ELAC2: variants seen among roughly 807,000 people sequenced by gnomAD.
ELAC2 encodes elaC ribonuclease Z 2, also known as zinc phosphodiesterase ELAC protein 2.
Under a neutral mutation model 105.2 loss-of-function variants are expected in ELAC2, and 92 were observed. The observed-to-expected ratio is 0.87, with a 90% CI of 0.74 to 1.04. The LOEUF is 1.04. Ranked by LOEUF, ELAC2 falls within the 50% of genes least tolerant of loss-of-function variation. The probability of loss-of-function intolerance (pLI) is 0.00; values close to 1 mark genes in which losing one functional copy is unlikely to be tolerated. For synonymous variants in ELAC2, 468 were observed against 409.1 expected (o/e 1.14, Z -1.74); for missense variants, 1,099 against 1,071.7 (o/e 1.03, Z -0.36).
chr17:13,009,170 T>G (rs1418434645), intron 8 of ELAC2, among the ~76,000 whole-genome samples: 1 of 152,218 alleles, frequency 6.6e-6, no homozygotes, highest in African/African-American at 2.4e-5. Context: ...TACTTAACTT[T>G]TATGAAAATC....
chr17:12,992,882 C>T lies in ELAC2; in HGVS notation c.2417G>A (p.Gly806Glu), dbSNP rs748902752. 1.9e-6 allele frequency: 3 copies of T among 1,613,044 alleles called. No individual in the cohort carries two copies. The highest frequency in any genetic ancestry group is 2.2e-5 in the South Asian group (2 of 91,070). The stretch of plus-strand genomic sequence containing the variant: ...GTGGGCCCGCTTCTGCTGAGGCTCC[C>T]CATCCTCCAGGCCGCCTGCCAGCTC... Reference protein sequence around the residue: ...SRELAGGLEDGEPQQKRAHTE... With the variant: ...SRELAGGLEDEEPQQKRAHTE... The change falls in exon 24 of 24, where the codon GGG (glycine) becomes GAG (glutamate). Residue 806 changes from glycine (G) to glutamate (E), a missense_variant. Physicochemically the swap from Gly to Glu is moderately conservative, Grantham distance 98 (BLOSUM62 -2). Coordinates refer to ENST00000338034, the MANE Select transcript of ELAC2 (RefSeq NM_018127.7).
At chr17:12,998,983 A>G (rs2040616397) in intron 15 of ELAC2, among the ~76,000 whole-genome samples, 1 of 152,114 alleles carries the variant, frequency 6.6e-6, no homozygotes, top group South Asian at 2.1e-4. Flanking sequence ...ACCCAGTCTC[A>G]CATATTCTTT....
At chr17:12,993,953 A>G in intron 22 of ELAC2, 122 bp from the exon 23 acceptor site, 2 of 1,402,256 alleles carry the variant, frequency 1.4e-6, no homozygotes, top group Admixed American at 3.8e-5. Context: ...GGTTTTCTTA[A>G]CGGGCACCTC....
rs1371142437 is a variant in ELAC2, at chr17:12,994,905, G to T, written c.1909-21C>A. 6 of 1,613,986 alleles carry T rather than the reference G, an allele frequency of 3.7e-6. No individual in the cohort carries two copies. In the African/African-American group the frequency reaches 5.3e-5, roughly 14 times the overall value. ...TGAAACTGAAAGGGTGGGGCTGGAG[G>T]GCTCTGCAGCTCTGCTCCCCACCTC... On this transcript the variant is annotated intron_variant, in intron 20 of 23. Transcript: ENST00000338034.
rs781475188 is a variant in ELAC2 at position 12,993,771 on chromosome 17, G to A, written c.2169C>T (p.Asn723=). Residue 723 remains asparagine, a synonymous_variant, in exon 23 of 24, where the codon AAC becomes AAT. Transcript: ENST00000338034. The stretch of plus-strand genomic sequence containing the variant: ...CCTTGGCATAGCGCTGGCTGAAGTG[G>A]TTCAGCATAATGAACTCCGCGTTCA... The part of the protein sequence containing the change: ...MRMNAEFIML[N]HFSQRYAKVP... The A allele has an allele frequency of 5.0e-6, 8 of 1,614,168 alleles. No homozygotes were observed. In the Admixed American group the frequency reaches 1.3e-4, roughly 27 times the overall value.
chr17:13,009,863 C>T (rs1008160904), intron 8 of ELAC2, among the ~76,000 whole-genome samples: 1 of 151,986 alleles, frequency 6.6e-6, no homozygotes, highest in Admixed American at 6.6e-5. Context: ...GTGGCGCGCA[C>T]CTATAATCCT....
chr17:13,002,372 A>G lies in ELAC2; in HGVS notation c.1219-13T>C. On this transcript the variant is annotated splice_polypyrimidine_tract_variant and intron_variant, in intron 13 of 23. Transcript: ENST00000338034. ...TGGGGCCCTCCTTCTGAAAGAGACA[A>G]AACACATTCATGGAGAGAAAGAGAG... is the stretch of plus-strand genomic sequence containing the variant. 1 of 1,614,160 alleles carries G rather than the reference A, an allele frequency of 6.2e-7. No homozygotes were observed.
chr17:13,013,687 C>T (rs1436533166), intron 5 of ELAC2, among the ~76,000 whole-genome samples: 1 of 152,168 alleles, frequency 6.6e-6, no homozygotes, highest in Non-Finnish European at 1.5e-5. Context: ...GCCACAGATA[C>T]ACACCAGTGC....
chr17:13,016,766 A>ATT, intron 3 of ELAC2, 96 bp downstream of exon 3: 1 of 1,202,488 alleles, frequency 8.3e-7, no homozygotes, highest in African/African-American at 1.6e-5. Flanking sequence ...AAAAAAAAAA[A>ATT]AGTAGCTGCC....
At position 12,991,880 on chromosome 17, in the gene ELAC2, A is replaced by ACTT. The variant is rs1413988185; in HGVS notation, c.*935_*937dup. Reference sequence around the variant, plus strand: ...ACTTACTTACTTACTTTACTTACTTACTTCCTTGGAAAATGCTCTCCATTT... The same window carrying ACTT: ...ACTTACTTACTTACTTTACTTACTTACTTCTTCCTTGGAAAATGCTCTCCATTT... On this transcript the variant is annotated 3_prime_UTR_variant, in exon 24 of 24. Coordinates refer to ENST00000338034, the MANE Select transcript of ELAC2 (RefSeq NM_018127.7). 1.3e-5 allele frequency among the ~76,000 whole-genome samples: 2 copies of ACTT among 151,662 alleles called. No homozygotes were observed. The highest frequency in any genetic ancestry group is 3.4e-3 in the Middle Eastern group (1 of 294).
intron 15 of ELAC2, among the ~76,000 whole-genome samples, chr17:12,999,681 C>T (rs1434521714): frequency 1.4e-5 from 2 of 147,656 alleles, no homozygotes; most frequent in African/African-American, 2.5e-5. Context: ...TTTTTTGAGA[C>T]GGAGTCTCAC....
At chr17:12,993,859 A>G (rs745416597) in intron 22 of ELAC2, 28 bp from the exon 23 acceptor site, 1 of 1,614,030 alleles carries the variant, frequency 6.2e-7, no homozygotes, top group South Asian at 1.1e-5. Context: ...AGCAGACTGA[A>G]GCTGAACTCA....
chr17:13,014,462 C>A lies in ELAC2; in HGVS notation c.467G>T (p.Gly156Val), dbSNP rs369492242. 2 of 1,613,654 alleles carry A rather than the reference C, an allele frequency of 1.2e-6. No individual in the cohort carries two copies. Among genetic ancestry groups the A allele is most frequent in the Non-Finnish European group, 1.7e-6 (2 of 1,179,688 alleles). ...ACCCAGTTCTATTCCTTTCAATGGA[C>A]CAGAAAATATTTTGATTGCTTCGAG... ...KYLEAIKIFS[G>V]PLKGIELAVR... The change falls in exon 5 of 24, where the codon GGT becomes GTT. Residue 156 changes from glycine to valine, a missense_variant. Gly to Val is a moderately radical substitution (Grantham distance 109). Transcript: ENST00000338034.
chr17:13,013,985 T>C lies in ELAC2; in HGVS notation c.490+454A>G, dbSNP rs12601556. ...CGACCTGGCCCCTATTTTTACAGCA[T>C]GAGGTGGGAACACAGAAAATGTCAC... is the stretch of plus-strand genomic sequence containing the variant. On this transcript the variant is annotated intron_variant, in intron 5 of 23. Transcript: ENST00000338034. Among the ~76,000 whole-genome samples, 1,381 of 152,206 alleles carry C rather than the reference T, an allele frequency of 9.1e-3. 53 individuals are homozygous for C. In the East Asian group the frequency reaches 0.12, roughly 13 times the overall value.
intron 10 of ELAC2, 127 bp downstream of exon 10, chr17:13,005,626 C>T: frequency 1.1e-6 from 1 of 931,886 alleles, no homozygotes; most frequent in Non-Finnish European, 1.8e-6. Context: ...TATCACTTAG[C>T]TGAGTGATGT....
rs138269137 is a variant in ELAC2 at position 13,000,237 on chromosome 17, C to T, written c.1342G>A (p.Val448Ile). The part of the protein sequence containing the change: ...IITCNPEEFI[V>I]EALQLPNFQQ... The stretch of plus-strand genomic sequence containing the variant: ...AAGTTGGGAAGCTGCAGCGCCTCAA[C>T]TATGAATTCCTCAGGATTGCAAGTA... Residue 448 changes from valine (V) to isoleucine (I), a missense_variant, in exon 15 of 24, where the codon GTT becomes ATT. Physicochemically the swap from Val to Ile is conservative, Grantham distance 29. Transcript: ENST00000338034. 1 of 1,614,006 alleles carries T rather than the reference C, an allele frequency of 6.2e-7. No individual in the cohort carries two copies. Among genetic ancestry groups the T allele is most frequent in the African/African-American group, 1.3e-5 (1 of 74,928 alleles).
Position 13,005,768 on chromosome 17 carries a change from A to C in ELAC2, c.855T>G (p.Thr285=). The C allele has an allele frequency of 1.2e-6, 2 of 1,614,124 alleles. No homozygotes were observed. Among genetic ancestry groups the C allele is most frequent in the Non-Finnish European group, 1.7e-6 (2 of 1,180,032 alleles). Residue 285 remains threonine, a synonymous_variant, in exon 10 of 24, where the codon ACT becomes ACG. Transcript: ENST00000338034. ...GGCATCTCACCTCTCTTCCTTCATGAGTGATGCTTTTCCCGTCCTTGACAG... is the reference window on the plus strand; with the variant it reads ...GGCATCTCACCTCTCTTCCTTCATGCGTGATGCTTTTCCCGTCCTTGACAG... The part of the protein sequence containing the change: ...IAAVKDGKSI[T]HEGREILAEE...
Position 13,002,537 on chromosome 17 carries a change from A to G in ELAC2, c.1122T>C (p.Cys374=). Residue 374 remains cysteine (C), a synonymous_variant, in exon 13 of 24, where the codon TGT becomes TGC. Transcript: ENST00000338034. The part of the protein sequence containing the change: ...DTQHLVLNEN[C]ASVHNLRSHK... ...GGCTGCGAAGGTTGTGAACTGAGGC[A>G]CAGTTCTCATTCAGGACCAAGTGCT... The G allele has an allele frequency of 6.2e-7, 1 of 1,605,984 alleles. No homozygotes were observed. The highest frequency in any genetic ancestry group is 8.5e-7 in the Non-Finnish European group (1 of 1,175,520).
chr17:13,011,772 C>T lies in ELAC2; in HGVS notation c.570G>A (p.Arg190=), dbSNP rs2143661889. Residue 190 remains arginine (R), a synonymous_variant, in exon 7 of 24, where the codon AGG becomes AGA. Transcript: ENST00000338034. The part of the protein sequence containing the change: ...VYQIPIHSEQ[R]RGKHQPWQSP... Reference sequence around the variant, plus strand: ...TCTGCCATGGTTGGTGCTTTCCCCTCCTCTGTTCACCTGGTCAGTACAGAT... The same window carrying T: ...TCTGCCATGGTTGGTGCTTTCCCCTTCTCTGTTCACCTGGTCAGTACAGAT... The T allele has an allele frequency of 6.2e-6, 10 of 1,614,186 alleles. No homozygotes were observed. In the East Asian group the frequency reaches 2.2e-4, roughly 36 times the overall value.
Sources: gnomAD v4.1 joint callset for allele counts (sites outside exome capture counted in the v4.1 genomes callset) on GRCh38, gnomAD v4.1.1 for gene constraint, MANE v1.5 for transcripts, NCBI Gene and HGNC (gene_info 2026-07-23, HGNC 2026-07-21) for gene names.